Variants in ADAMTS15 observed in about 807,000 individuals in gnomAD.
ADAMTS15 encodes A disintegrin and metalloproteinase with thrombospondin motifs 15.
A neutral mutation model predicts 79.1 loss-of-function variants in ADAMTS15; 35 were observed. The ratio of observed to expected loss-of-function variants is 0.44; its 90% CI spans 0.34 to 0.59. The LOEUF is 0.59. Ranked by LOEUF, ADAMTS15 falls within the 20% of genes least tolerant of loss-of-function variation. ADAMTS15 has a pLI of 0.02. For missense variants in ADAMTS15, 1,324 were observed against 1,318.7 expected, an observed-to-expected ratio of 1.00 and a Z score of -0.06; for synonymous variants, 616 against 567.3, an observed-to-expected ratio of 1.09 and a Z score of -1.22.
At chr11:130,463,011 C>G (rs894541793) in intron 4 of ADAMTS15, among the ~76,000 whole-genome samples, 39 of 152,234 alleles carry the variant, frequency 2.6e-4, no homozygotes, top group African/African-American at 8.2e-4. Context: ...CTTGGTGAGG[C>G]CTCAGACACA....
At position 130,449,716 on chromosome 11, in the gene ADAMTS15, C is replaced by T. The variant is rs759898564; in HGVS notation, c.743C>T (p.Thr248Met). 3 of 1,611,572 alleles carry T rather than the reference C, an allele frequency of 1.9e-6. No homozygotes were observed. Among genetic ancestry groups the T allele is most frequent in the South Asian group, 1.1e-5 (1 of 90,806 alleles). ...CATTATCTGCTGACGCTGCTGGCAA[C>T]GGCGGCGCGACTCTACCGCCATCCC... ...LEHYLLTLLA[T>M]AARLYRHPSI... The change falls in exon 1 of 8, where the codon ACG becomes ATG. Residue 248 changes from threonine to methionine, a missense_variant. By Grantham distance (81) the Thr-to-Met change is moderately conservative. Transcript: ENST00000299164. The surrounding 1 kb of genome is among the most constrained non-coding windows in gnomAD (Gnocchi z 7.8).
chr11:130,454,931 T>C (rs1183833031), intron 1 of ADAMTS15, among the ~76,000 whole-genome samples: 4 of 152,178 alleles, frequency 2.6e-5, no homozygotes, highest in African/African-American at 9.7e-5. Context: ...CTGTAGTTGT[T>C]TGCGTCCCCT....
chr11:130,461,593 A>G lies in ADAMTS15; in HGVS notation c.1062A>G (p.Pro354=), dbSNP rs755178400. ...SCSVIEDDGL[P]SAFTTAHELG... ...CTGTCATTGAGGACGATGGGCTTCC[A>G]TCAGCCTTCACCACTGCCCACGAGC... is the stretch of plus-strand genomic sequence containing the variant. Residue 354 remains proline, a synonymous_variant, in exon 2 of 8, where the codon CCA becomes CCG. Transcript: ENST00000299164. 1.2e-5 allele frequency: 20 copies of G among 1,614,044 alleles called. No homozygotes were observed. Among genetic ancestry groups the G allele is most frequent in the Non-Finnish European group, 1.6e-5 (19 of 1,180,016 alleles).
intron 1 of ADAMTS15, among the ~76,000 whole-genome samples, chr11:130,451,173 C>CT (rs11308742): frequency 9.2e-5 from 14 of 151,660 alleles, no homozygotes; most frequent in Non-Finnish European, 1.3e-4. Flanking sequence ...GTGCCATGCT[C>CT]TTTTTTTTGG....
At chr11:130,467,897 T>C (rs1938335392) in intron 4 of ADAMTS15, among the ~76,000 whole-genome samples, 1 of 152,178 alleles carries the variant, frequency 6.6e-6, no homozygotes, top group Non-Finnish European at 1.5e-5. Flanking sequence ...AACTTCAGAA[T>C]GGTTCACGGT....
At chr11:130,470,496 C>A (rs1250412281) in intron 5 of ADAMTS15, among the ~76,000 whole-genome samples, 2 of 151,904 alleles carry the variant, frequency 1.3e-5, no homozygotes, top group African/African-American at 4.8e-5. Flanking sequence ...GGATTACAGG[C>A]ATGAGCCAGT....
intron 6 of ADAMTS15, 32 bp downstream of exon 6, chr11:130,471,133 G>A: frequency 1.9e-6 from 3 of 1,601,414 alleles, no homozygotes; most frequent in South Asian, 1.1e-5. Flanking sequence ...GAACAAAGTA[G>A]GGACCAGGTC....
At chr11:130,464,572 C>T (rs973316444) in intron 4 of ADAMTS15, among the ~76,000 whole-genome samples, 2 of 152,210 alleles carry the variant, frequency 1.3e-5, no homozygotes, top group Non-Finnish European at 2.9e-5. Context: ...TCTATTGCTA[C>T]AACAACCTTC....
Position 130,472,508 on chromosome 11 carries a change from T to TA in ADAMTS15, c.2079-538dup, listed in dbSNP as rs1406780696. Among the ~76,000 whole-genome samples, 2 of 152,134 alleles carry TA rather than the reference T, an allele frequency of 1.3e-5. No homozygotes were observed. The highest frequency in any genetic ancestry group is 2.9e-5 in the Non-Finnish European group (2 of 68,022). On this transcript the variant is annotated intron_variant, in intron 7 of 7. Transcript: ENST00000299164. This position sits in a 1 kb window ranked among gnomAD's most constrained non-coding sequence, Gnocchi z 4.7. The stretch of plus-strand genomic sequence containing the variant: ...AAATCATTTAGCTTAACCTACTCAT[T>TA]ATGCAGATGAGGACACCAGAATCCA...
rs1937909941 is a variant in ADAMTS15 at position 130,449,423 on chromosome 11, C to T, written c.450C>T (p.Asn150=). The T allele has an allele frequency of 6.3e-7, 1 of 1,595,894 alleles. No individual in the cohort carries two copies. Reference sequence around the variant, plus strand: ...CTAGCGCGCCGGCGGCGCAGCGCAACAGCCAGGGCGCACACCTTCTCCAGC... The same window carrying T: ...CTAGCGCGCCGGCGGCGCAGCGCAATAGCCAGGGCGCACACCTTCTCCAGC... The part of the protein sequence containing the change: ...PNASAPAAQR[N]SQGAHLLQRR... The change falls in exon 1 of 8, where the codon AAC becomes AAT. Residue 150 remains asparagine, a synonymous_variant. Transcript: ENST00000299164. The surrounding 1 kb of genome is among the most constrained non-coding windows in gnomAD (Gnocchi z 7.8).
chr11:130,453,002 C>T (rs532631662), intron 1 of ADAMTS15, among the ~76,000 whole-genome samples: 285 of 149,354 alleles, frequency 1.9e-3, no homozygotes, highest in East Asian at 7.6e-3. Flanking sequence ...AAAAAAATTG[C>T]GGCCTCAGGT....
chr11:130,462,841 C>T lies in ADAMTS15; in HGVS notation c.1542+61C>T. 6.5e-7 allele frequency: 1 copy of T among 1,530,534 alleles called. No homozygotes were observed. The highest frequency in any genetic ancestry group is 8.8e-7 in the Non-Finnish European group (1 of 1,134,596). The allele number at this position is 1,530,534 out of a possible 1,614,324, so 94.8% of individuals were successfully genotyped here. On this transcript the variant is annotated intron_variant, in intron 4 of 7. Coordinates refer to ENST00000299164, the MANE Select transcript of ADAMTS15 (RefSeq NM_139055.4). The surrounding 1 kb of genome is among the most constrained non-coding windows in gnomAD (Gnocchi z 4.3). Reference sequence around the variant, plus strand: ...GGGAGGAGGGATGGAGACCCGGGGGCCTCGTCTGCCCTTGGTCTTCACCAG... The same window carrying T: ...GGGAGGAGGGATGGAGACCCGGGGGTCTCGTCTGCCCTTGGTCTTCACCAG...
At chr11:130,457,950 C>G (rs538721333) in intron 1 of ADAMTS15, among the ~76,000 whole-genome samples, 2 of 152,274 alleles carry the variant, frequency 1.3e-5, no homozygotes, top group East Asian at 3.9e-4. Context: ...CCACTCTTAC[C>G]CTCAGGAAAT....
At chr11:130,463,665 T>C (rs960331923) in intron 4 of ADAMTS15, among the ~76,000 whole-genome samples, 2 of 152,188 alleles carry the variant, frequency 1.3e-5, no homozygotes, top group Non-Finnish European at 2.9e-5. Flanking sequence ...TTATTTAAAA[T>C]GTTTTTCTGT....
At position 130,459,140 on chromosome 11, in the gene ADAMTS15, C is replaced by T. The variant is rs539592246; in HGVS notation, c.958-2349C>T. On this transcript the variant is annotated intron_variant, in intron 1 of 7. Coordinates refer to ENST00000299164, the MANE Select transcript of ADAMTS15 (RefSeq NM_139055.4). ...ATTACCCTCCCAGGCTCAAGTGATC[C>T]TCCTACCTCAGCCTCCTCCTACCAG... is the stretch of plus-strand genomic sequence containing the variant. Among the ~76,000 whole-genome samples, 123 of 150,186 alleles carry T rather than the reference C, an allele frequency of 8.2e-4. 1 individual carries two copies. Among genetic ancestry groups the T allele is most frequent in the Admixed American group, 2.5e-3 (38 of 14,948 alleles).
chr11:130,461,424 C>A, intron 1 of ADAMTS15, 65 bp from the exon 2 acceptor site: 1 of 1,609,796 alleles, frequency 6.2e-7, no homozygotes, highest in Non-Finnish European at 8.5e-7. Flanking sequence ...CCTTTCTTCC[C>A]TTCAGGTCCC....
intron 1 of ADAMTS15, 76 bp downstream of exon 1, chr11:130,450,006 CCT>C (rs1243930014): frequency 1.3e-6 from 2 of 1,546,180 alleles, no homozygotes; most frequent in African/African-American, 1.4e-5. Flanking sequence ...CTCCAAATCC[CCT>C]TTGTATCGTG....
At chr11:130,463,095 C>G (rs1353522781) in intron 4 of ADAMTS15, among the ~76,000 whole-genome samples, 2 of 152,216 alleles carry the variant, frequency 1.3e-5, no homozygotes, top group African/African-American at 4.8e-5. Context: ...GGGAGGAGCT[C>G]TGGGCTCAAA....
At chr11:130,461,692 G>A in intron 2 of ADAMTS15, 71 bp downstream of exon 2, 2 of 1,592,250 alleles carry the variant, frequency 1.3e-6, no homozygotes, top group Non-Finnish European at 1.7e-6. Context: ...GGAGACGTGT[G>A]TCTTTGCCCC....
Sources: allele counts gnomAD v4.1 joint callset (sites outside exome capture counted in the v4.1 genomes callset), GRCh38; gene constraint gnomAD v4.1.1; non-coding constraint Gnocchi (gnomAD v3.1); transcripts MANE v1.5; gene names NCBI Gene and HGNC (gene_info 2026-07-23, HGNC 2026-07-21).